The following TMC1 variants were observed in gnomAD, a reference collection of about 807,000 sequenced individuals.
TMC1 encodes transmembrane channel like 1, also known as transmembrane channel-like protein 1.
TMC1 carries 84 observed loss-of-function variants against 105.8 expected under a neutral mutation model. That is an observed-to-expected ratio of 0.79 (90% CI 0.67 to 0.95). The LOEUF (loss-of-function observed/expected upper bound fraction) is 0.95, where lower values mean the gene tolerates loss of function less well. Among genes scored for constraint, TMC1 ranks in the 40% least tolerant of loss-of-function variants. The pLI is 0.00. For synonymous variants in TMC1, 315 were observed against 311.5 expected, an observed-to-expected ratio of 1.01 and a Z score of -0.12; for missense variants, 817 against 914.1, an observed-to-expected ratio of 0.89 and a Z score of 1.37.
In TMC1 at chr9:72,755,023, GGAAA is replaced by G. The variant is rs1201958519; in HGVS notation, c.741+154_741+157del. The stretch of plus-strand genomic sequence containing the variant: ...GTCCCTGCTCCCTTTAAGAAAGAAA[GGAAA>G]GAAAGAAAGAAAGAGAGAGAGAGAG... On this transcript the variant is annotated intron_variant, in intron 12 of 23. Coordinates refer to ENST00000297784, the MANE Select transcript of TMC1 (RefSeq NM_138691.3). 3.4e-3 allele frequency: 1,141 copies of G among 333,666 alleles called. 12 individuals carry two copies. Among genetic ancestry groups the G allele is most frequent in the African/African-American group, 0.025 (988 of 39,668 alleles). The allele number at this position is 333,666 out of a possible 1,614,324, so 20.7% of individuals were successfully genotyped here.
chr9:72,727,007 C>T (rs1056901477), intron 8 of TMC1, among the ~76,000 whole-genome samples: 33 of 152,186 alleles, frequency 2.2e-4, no homozygotes, highest in African/African-American at 7.2e-4. Context: ...AAAATTAGCA[C>T]AGTCTGTCTA....
At chr9:72,573,870 T>C (rs1488056532) in intron 1 of TMC1, among the ~76,000 whole-genome samples, 1 of 152,204 alleles carries the variant, frequency 6.6e-6, no homozygotes, top group African/African-American at 2.4e-5. Context: ...GGGTTTGTTG[T>C]ACGGATGATT....
chr9:72,683,271 G>A (rs1278372612), intron 5 of TMC1, among the ~76,000 whole-genome samples: 1 of 142,988 alleles, frequency 7.0e-6, no homozygotes, highest in African/African-American at 2.8e-5. Flanking sequence ...AAATTGGATT[G>A]ATTTACTTTT....
intron 6 of TMC1, among the ~76,000 whole-genome samples, 176 bp downstream of exon 6, chr9:72,688,932 A>C (rs555787875): frequency 1.4e-4 from 22 of 152,254 alleles, no homozygotes; most frequent in South Asian, 1.2e-3. Flanking sequence ...TCTAGAGTCT[A>C]TCCAGTTGGC....
At chr9:72,537,077 A>G (rs12001139) in intron 1 of TMC1, among the ~76,000 whole-genome samples, 79,757 of 152,060 alleles carry the variant, frequency 0.52, 21,871 homozygotes, top group African/African-American at 0.69. Flanking sequence ...ACACCCACCT[A>G]AGCAGTGGCT....
At chr9:72,822,058 T>A (rs1828884052) in intron 20 of TMC1, among the ~76,000 whole-genome samples, 1 of 152,230 alleles carries the variant, frequency 6.6e-6, no homozygotes, top group Non-Finnish European at 1.5e-5. Context: ...CAGTTCTCTA[T>A]GACAGAGCTC....
At chr9:72,650,270 C>T (rs1411971588) in intron 5 of TMC1, among the ~76,000 whole-genome samples, 7 of 152,058 alleles carry the variant, frequency 4.6e-5, no homozygotes, top group Admixed American at 4.6e-4. Flanking sequence ...GTTTTTAAGG[C>T]AGTACTTGGG....
At chr9:72,744,537 G>T (rs1175518495) in intron 10 of TMC1, among the ~76,000 whole-genome samples, 2 of 152,126 alleles carry the variant, frequency 1.3e-5, no homozygotes, top group Non-Finnish European at 1.5e-5. Context: ...GAGCATTACG[G>T]TCCTGATACA....
intron 2 of TMC1, among the ~76,000 whole-genome samples, chr9:72,584,784 C>CTTTTTTTTTTTTTTTTTTTTTTTTT (rs71357591): frequency 8.0e-5 from 9 of 113,010 alleles, no homozygotes; most frequent in Non-Finnish European, 1.4e-4. Context: ...CTTTTCTTTT[C>CTTTTTTTTTTTTTTTTTTTTTTTTT]TTTTTTTTTT....
chr9:72,715,360 C>A (rs1826899874), intron 8 of TMC1, among the ~76,000 whole-genome samples: 1 of 152,164 alleles, frequency 6.6e-6, no homozygotes, highest in African/African-American at 2.4e-5. Context: ...GAATGTTTTC[C>A]AACTTGGTTC....
At chr9:72,613,760 G>C (rs1451508839) in intron 2 of TMC1, among the ~76,000 whole-genome samples, 1 of 152,098 alleles carries the variant, frequency 6.6e-6, no homozygotes, top group Admixed American at 6.6e-5. Flanking sequence ...GTGTGTGCGT[G>C]TTGTGGGAGG....
At chr9:72,568,849 A>T (rs1047121331) in intron 1 of TMC1, among the ~76,000 whole-genome samples, 2 of 152,174 alleles carry the variant, frequency 1.3e-5, no homozygotes, top group Non-Finnish European at 2.9e-5. Flanking sequence ...ACAGAAGGGG[A>T]CATTATCAGC....
intron 12 of TMC1, among the ~76,000 whole-genome samples, chr9:72,755,599 G>C (rs1827665649): frequency 6.6e-6 from 1 of 152,222 alleles, no homozygotes; most frequent in African/African-American, 2.4e-5. Flanking sequence ...TATGATTCAA[G>C]TCTTCGACAA....
chr9:72,662,349 G>A (rs1021389116), intron 5 of TMC1, among the ~76,000 whole-genome samples: 10 of 148,084 alleles, frequency 6.8e-5, no homozygotes, highest in African/African-American at 1.0e-4. Flanking sequence ...ACCACACTCA[G>A]CAATTTTTTT....
chr9:72,573,270 T>G (rs7854675), intron 1 of TMC1, among the ~76,000 whole-genome samples: 2,459 of 152,280 alleles, frequency 0.016, 77 homozygotes, highest in African/African-American at 0.055. Flanking sequence ...GAATTTTGAG[T>G]GTCATACCTG....
At chr9:72,746,364 A>G (rs951671587) in intron 10 of TMC1, among the ~76,000 whole-genome samples, 6 of 152,182 alleles carry the variant, frequency 3.9e-5, no homozygotes, top group African/African-American at 7.2e-5. Flanking sequence ...ACCCTCATTG[A>G]TCTTACATCC....
intron 1 of TMC1, among the ~76,000 whole-genome samples, chr9:72,549,150 C>T (rs1209634579): frequency 6.6e-6 from 1 of 152,222 alleles, no homozygotes; most frequent in Non-Finnish European, 1.5e-5. Flanking sequence ...TTATTTACTA[C>T]AAGTGCTTGC....
intron 8 of TMC1, among the ~76,000 whole-genome samples, chr9:72,707,908 C>T (rs1002120792): frequency 6.6e-6 from 1 of 152,100 alleles, no homozygotes; most frequent in African/African-American, 2.4e-5. Context: ...AGATTTAAGT[C>T]CTTGATCCAT....
chr9:72,638,229 A>G (rs1285098967), intron 4 of TMC1, among the ~76,000 whole-genome samples: 1 of 152,110 alleles, frequency 6.6e-6, no homozygotes, highest in Non-Finnish European at 1.5e-5. Flanking sequence ...TTTTCAATAT[A>G]AAAATCTTAT....
Sources: allele counts gnomAD v4.1 joint callset (sites outside exome capture counted in the v4.1 genomes callset), GRCh38; gene constraint gnomAD v4.1.1; transcripts MANE v1.5; gene names NCBI Gene and HGNC (gene_info 2026-07-23, HGNC 2026-07-21).